Variants in ZNF18 observed in about 807,000 individuals in gnomAD.
ZNF18 encodes the protein zinc finger protein 18.
In ZNF18, 42 loss-of-function variants were observed where a neutral mutation model predicts 58.1. The ratio of observed to expected loss-of-function variants is 0.72; its 90% CI spans 0.56 to 0.93. The LOEUF is 0.93. ZNF18 is among the 40% of genes least tolerant of loss of function. The pLI is 0.00. For synonymous variants in ZNF18, 231 were observed against 239.8 expected (o/e 0.96, Z 0.34); for missense variants, 540 against 644.2 (o/e 0.84, Z 1.75).
At chr17:11,984,317 C>G in intron 4 of ZNF18, 120 bp from the exon 5 acceptor site, 2 of 935,218 alleles carry the variant, frequency 2.1e-6, no homozygotes, top group Non-Finnish European at 3.1e-6. Context: ...TCCTGGCCAT[C>G]GCAAGACCTG....
the ZNF18 span, among the ~76,000 whole-genome samples, chr17:12,005,305 G>C: frequency 6.6e-6 from 1 of 151,934 alleles, no homozygotes; most frequent in Admixed American, 6.6e-5. Flanking sequence ...ATGGAAACTG[G>C]TGGCCTCTTT....
chr17:12,008,842 G>A, the ZNF18 span, among the ~76,000 whole-genome samples: 1 of 152,194 alleles, frequency 6.6e-6, no homozygotes, highest in African/African-American at 2.4e-5. Flanking sequence ...ATTATTCAGG[G>A]AACTCCCAAA....
At chr17:12,000,386 C>T (rs565806257), upstream of ZNF18, among the ~76,000 whole-genome samples, 7 of 152,194 alleles carry the variant, frequency 4.6e-5, no homozygotes, top group South Asian at 2.1e-4. Context: ...GAGTGGTATC[C>T]GGGAAGCCAA....
At chr17:11,985,122 C>G (rs1967652177) in intron 4 of ZNF18, among the ~76,000 whole-genome samples, 1 of 152,122 alleles carries the variant, frequency 6.6e-6, no homozygotes, top group South Asian at 2.1e-4. Flanking sequence ...AGTTTTCTTT[C>G]CAGATAGTGG....
chr17:12,021,190 G>C, the ZNF18 span: 19 of 340,298 alleles, frequency 5.6e-5, no homozygotes, highest in East Asian at 6.3e-4. Context: ...TCCGGGCTCC[G>C]GCCCGCATAG....
intron 1 of ZNF18, 30 bp from the exon 2 acceptor site, chr17:11,992,941 C>A (rs1482370889): frequency 2.4e-5 from 30 of 1,254,084 alleles, no homozygotes; most frequent in Admixed American, 5.6e-5. Flanking sequence ...GAGTGCTACA[C>A]AGAGGAAGGG....
rs1361328145 is a variant in ZNF18, at chr17:11,984,892, C to A, written c.667-695G>T. ...CTTTGAGGAGGAAGAGTCTGATAGT[C>A]CCACTATTTAATTAAAATCAGGAAA... On this transcript the variant is annotated intron_variant, in intron 4 of 6. Transcript: ENST00000580306. Among the ~76,000 whole-genome samples, 3 of 151,936 alleles carry A rather than the reference C, an allele frequency of 2.0e-5. No homozygotes were observed. In the East Asian group the frequency reaches 5.8e-4, roughly 29 times the overall value.
chr17:11,979,626 T>G (rs1967208942), intron 6 of ZNF18, among the ~76,000 whole-genome samples: 1 of 152,214 alleles, frequency 6.6e-6, no homozygotes, highest in African/African-American at 2.4e-5. Context: ...TCAACTTTTA[T>G]AAATTATTTT....
chr17:12,018,026 T>C, the ZNF18 span, among the ~76,000 whole-genome samples: 1 of 152,238 alleles, frequency 6.6e-6, no homozygotes, highest in South Asian at 2.1e-4. Context: ...TGGGGGACTT[T>C]GATATTGCCA....
chr17:11,979,375 C>T (rs1967197970), intron 6 of ZNF18, among the ~76,000 whole-genome samples: 1 of 152,154 alleles, frequency 6.6e-6, no homozygotes, highest in Non-Finnish European at 1.5e-5. Context: ...TAGAGTCTCC[C>T]TCTCCCATTC....
rs1968175300 is a variant in ZNF18 at position 11,992,301 on chromosome 17, A to T, written c.387+142T>A. 3.7e-6 allele frequency: 4 copies of T among 1,081,572 alleles called. No individual in the cohort carries two copies. In the African/African-American group the frequency reaches 6.4e-5, roughly 17 times the overall value. The allele number at this position is 1,081,572 out of a possible 1,614,324, so 67.0% of individuals were successfully genotyped here. ...AATTGCTGGACACTGTACTGGTGTT[A>T]GAGAATCACAGAATTGGCCATTGGT... On this transcript the variant is annotated intron_variant, in intron 2 of 6. Transcript: ENST00000580306.
chr17:12,017,597 G>C, the ZNF18 span, among the ~76,000 whole-genome samples: 1,032 of 152,234 alleles, frequency 6.8e-3, 11 homozygotes, highest in East Asian at 0.047. Context: ...TATTCTTGAG[G>C]CTGGGTGCAG....
At chr17:12,021,285 C>G in the ZNF18 span, 1,237 of 221,408 alleles carry the variant, frequency 5.6e-3, 21 homozygotes, top group African/African-American at 0.027. Flanking sequence ...TGGTCCGGGA[C>G]CGCCCCCGCG....
At chr17:12,001,298 C>T (rs1968651311), upstream of ZNF18, among the ~76,000 whole-genome samples, 1 of 152,136 alleles carries the variant, frequency 6.6e-6, no homozygotes, top group African/African-American at 2.4e-5. Flanking sequence ...TAAGTTTTAG[C>T]AATCTATTGC....
the ZNF18 span, chr17:12,011,280 T>G: frequency 6.1e-6 from 2 of 328,572 alleles, no homozygotes; most frequent in South Asian, 1.0e-4. Context: ...GAATGAAACT[T>G]TAAAAGAATA....
At chr17:12,007,018 A>T in the ZNF18 span, among the ~76,000 whole-genome samples, 1 of 152,140 alleles carries the variant, frequency 6.6e-6, no homozygotes, top group Non-Finnish European at 1.5e-5. Flanking sequence ...TGTTAGGCCA[A>T]TGTTTACTGT....
the ZNF18 span, among the ~76,000 whole-genome samples, chr17:12,010,269 T>A: frequency 6.6e-6 from 1 of 152,198 alleles, no homozygotes; most frequent in Non-Finnish European, 1.5e-5. Flanking sequence ...CTATTCTAGT[T>A]GAATCTGAGC....
intron 5 of ZNF18, among the ~76,000 whole-genome samples, chr17:11,983,681 G>C (rs1024384339): frequency 6.6e-6 from 1 of 152,044 alleles, no homozygotes; most frequent in African/African-American, 2.4e-5. Context: ...AATCATGATG[G>C]GGATCCCACC....
At position 11,977,838 on chromosome 17, in the gene ZNF18, T is replaced by G; in HGVS notation, c.*119A>C. 1 of 1,248,474 alleles carries G rather than the reference T, an allele frequency of 8.0e-7. No homozygotes were observed. Among genetic ancestry groups the G allele is most frequent in the Non-Finnish European group, 1.1e-6 (1 of 899,980 alleles). 77.3% of individuals were successfully genotyped at this position (1,248,474 alleles called of 1,614,324 possible). On this transcript the variant is annotated 3_prime_UTR_variant, in exon 7 of 7. Transcript: ENST00000580306. ...CATGTCCAGATTCTCTCCTCTCCAATCCAAGAAAAAAGGAGATTAACAGGG... is the reference window on the plus strand; with the variant it reads ...CATGTCCAGATTCTCTCCTCTCCAAGCCAAGAAAAAAGGAGATTAACAGGG...
Sources: allele counts gnomAD v4.1 joint callset (sites outside exome capture counted in the v4.1 genomes callset), GRCh38; gene constraint gnomAD v4.1.1; transcripts MANE v1.5; gene names NCBI Gene and HGNC (gene_info 2026-07-23, HGNC 2026-07-21).